The following CCDC150 variants were observed in gnomAD, a reference collection of about 807,000 sequenced individuals.
The protein encoded by CCDC150 is coiled-coil domain containing 150.
Under a neutral mutation model 156.5 loss-of-function variants are expected in CCDC150, and 151 were observed. The observed-to-expected ratio is 0.97, with a 90% CI of 0.85 to 1.10. CCDC150 has a LOEUF of 1.10. Ranked by LOEUF, CCDC150 falls within the 50% of genes least tolerant of loss-of-function variation. CCDC150 has a pLI of 0.00. For missense variants in CCDC150, 1,312 were observed against 1,268.1 expected, an observed-to-expected ratio of 1.03 and a Z score of -0.53; for synonymous variants, 452 against 429.4, an observed-to-expected ratio of 1.05 and a Z score of -0.65.
rs775992805 is a variant in CCDC150 at position 196,676,648 on chromosome 2, A to G, written c.1357A>G (p.Ile453Val). 6.2e-7 allele frequency: 1 copy of G among 1,613,770 alleles called. No homozygotes were observed. The highest frequency in any genetic ancestry group is 1.1e-5 in the South Asian group (1 of 91,082). ...GCAAAAAGAGCTGCTAGAATCAACT[A>G]TTGCAAGATTGCGAGGTGAATTGGA... ...AVQKELLEST[I>V]ARLRGELEAS... is the part of the protein sequence containing the mutation. The change falls in exon 12 of 28, where the codon ATT (isoleucine) becomes GTT (valine). Residue 453 changes from isoleucine (I) to valine (V), a missense_variant. By Grantham distance (29) the Ile-to-Val change is conservative. Transcript: ENST00000389175.
chr2:196,720,592 G>T lies in CCDC150; in HGVS notation c.2183G>T (p.Arg728Met). Residue 728 changes from arginine (R) to methionine (M), a missense_variant, in exon 20 of 28, where the codon AGG (arginine) becomes ATG (methionine). Arg to Met is a moderately conservative substitution (Grantham distance 91, BLOSUM62 -1). Transcript: ENST00000389175. ...ATTTTTAGGGATCTCAATCAACAGA[G>T]GGTGCAGAAGCTGGAAGCTGAAGTG... ...LKKERDLNQQ[R>M]VQKLEAEVDQ... The T allele has an allele frequency of 6.2e-7, 1 of 1,613,766 alleles. No individual in the cohort carries two copies.
chr2:196,662,755 C>T (rs1693627643), intron 5 of CCDC150, among the ~76,000 whole-genome samples: 1 of 151,938 alleles, frequency 6.6e-6, no homozygotes, highest in South Asian at 2.1e-4. Context: ...ATGGCAAAAC[C>T]CCATTTCTGG....
At chr2:196,720,076 T>C in intron 19 of CCDC150, 1 of 389,668 alleles carries the variant, frequency 2.6e-6, no homozygotes, top group Non-Finnish European at 5.2e-6. Context: ...GATTAATAAT[T>C]ATTTTAGGTG....
Position 196,729,366 on chromosome 2 carries a change from T to C in CCDC150, c.2730T>C (p.Ala910=). 2 of 1,613,854 alleles carry C rather than the reference T, an allele frequency of 1.2e-6. No homozygotes were observed. The highest frequency in any genetic ancestry group is 1.7e-6 in the Non-Finnish European group (2 of 1,179,828). The stretch of plus-strand genomic sequence containing the variant: ...ACTTGTCAGCTAAGGCGAATAATGC[T>C]CAGAATATAGAAAGGATGAAGGTTG... ...KLHLSAKANN[A]QNIERMKQIE... is the part of the protein sequence containing the mutation. The change falls in exon 23 of 28, where the codon GCT becomes GCC. Residue 910 remains alanine (A), a synonymous_variant. Coordinates refer to ENST00000389175, the MANE Select transcript of CCDC150 (RefSeq NM_001080539.2).
Position 196,701,116 on chromosome 2 carries a change from A to G in CCDC150, c.1631A>G (p.Gln544Arg), listed in dbSNP as rs1696175733. The G allele has an allele frequency of 6.2e-6, 10 of 1,608,376 alleles. 1 individual carries two copies. The East Asian group carries it at 2.2e-4, about 36-fold the overall frequency. ...CTTTGTTTGCCTTATCAGCTTGCCCAACAGAAGGTGGAAAAAATCACTGAA... is the reference window on the plus strand; with the variant it reads ...CTTTGTTTGCCTTATCAGCTTGCCCGACAGAAGGTGGAAAAAATCACTGAA... ...QVTSDYHGLA[Q>R]QKVEKITESK... is the part of the protein sequence containing the mutation. The change falls in exon 15 of 28, where the codon CAA (glutamine) becomes CGA (arginine). Residue 544 changes from glutamine to arginine, a missense_variant. By Grantham distance (43) the Gln-to-Arg change is conservative (BLOSUM62 1). Transcript: ENST00000389175.
intron 1 of CCDC150, among the ~76,000 whole-genome samples, chr2:196,644,775 A>G (rs778075811): frequency 6.6e-6 from 1 of 152,168 alleles, no homozygotes; most frequent in Non-Finnish European, 1.5e-5. Flanking sequence ...GTTTCACAGT[A>G]GGGCATGAAA....
intron 13 of CCDC150, among the ~76,000 whole-genome samples, chr2:196,678,543 A>G (rs547053642): frequency 2.6e-5 from 4 of 152,308 alleles, no homozygotes; most frequent in African/African-American, 9.6e-5. Flanking sequence ...GACCTCAACC[A>G]TGCTTTCTAA....
At chr2:196,673,393 C>T (rs1694318540) in intron 9 of CCDC150, among the ~76,000 whole-genome samples, 1 of 152,184 alleles carries the variant, frequency 6.6e-6, no homozygotes, top group Non-Finnish European at 1.5e-5. Context: ...CAAGGGTTCT[C>T]TGTTTCGTCC....
intron 22 of CCDC150, chr2:196,726,536 T>C (rs1206248090): frequency 6.4e-6 from 1 of 156,656 alleles, no homozygotes; most frequent in African/African-American, 2.4e-5. Flanking sequence ...ATGAGATATA[T>C]AGGGAAAACA....
intron 18 of CCDC150, 34 bp downstream of exon 18, chr2:196,718,665 T>G (rs781005030): frequency 6.2e-7 from 1 of 1,605,968 alleles, no homozygotes; most frequent in East Asian, 2.2e-5. Context: ...CGTCTGTCAC[T>G]GAGAAGAAGC....
chr2:196,661,860 G>A (rs186923671), intron 5 of CCDC150, among the ~76,000 whole-genome samples: 2 of 152,218 alleles, frequency 1.3e-5, no homozygotes, highest in Admixed American at 6.5e-5. Flanking sequence ...TTTTAAAAGT[G>A]GCCGTTCTTT....
intron 4 of CCDC150, among the ~76,000 whole-genome samples, chr2:196,658,153 G>A (rs983795334): frequency 6.6e-6 from 1 of 152,034 alleles, no homozygotes. Flanking sequence ...AGAAATTGGA[G>A]GCAGGGAAAC....
intron 13 of CCDC150, among the ~76,000 whole-genome samples, chr2:196,680,765 T>G (rs550502617): frequency 6.6e-5 from 10 of 152,350 alleles, no homozygotes; most frequent in African/African-American, 2.4e-4. Context: ...GTCATGTGAT[T>G]ACTCCATGTT....
intron 13 of CCDC150, among the ~76,000 whole-genome samples, chr2:196,687,429 A>T (rs920205095): frequency 6.6e-6 from 1 of 152,160 alleles, no homozygotes; most frequent in African/African-American, 2.4e-5. Flanking sequence ...TTTAAGAAGT[A>T]TCTGTTTATG....
At chr2:196,718,717 C>A in intron 18 of CCDC150, 86 bp downstream of exon 18, 1 of 1,497,304 alleles carries the variant, frequency 6.7e-7, no homozygotes, top group Non-Finnish European at 8.9e-7. Context: ...CGCTTTCTTG[C>A]TTCCATTAGA....
chr2:196,698,955 AT>A (rs1395298373), intron 14 of CCDC150, among the ~76,000 whole-genome samples: 10 of 152,226 alleles, frequency 6.6e-5, no homozygotes, highest in African/African-American at 2.4e-4. Context: ...CATCCTTACA[AT>A]TTATTTGCTG....
At chr2:196,687,692 G>A (rs1695200831) in intron 13 of CCDC150, among the ~76,000 whole-genome samples, 1 of 152,124 alleles carries the variant, frequency 6.6e-6, no homozygotes, top group Non-Finnish European at 1.5e-5. Flanking sequence ...GTTCTGAATA[G>A]TATTACCTAG....
At chr2:196,720,015 G>A (rs528706066) in intron 19 of CCDC150, among the ~76,000 whole-genome samples, 8 of 152,042 alleles carry the variant, frequency 5.3e-5, no homozygotes, top group Non-Finnish European at 8.8e-5. Context: ...TTGAAACTAA[G>A]TACATACTTT....
chr2:196,677,381 C>G lies in CCDC150; in HGVS notation c.1509+20C>G, dbSNP rs1460018994. On this transcript the variant is annotated intron_variant, in intron 13 of 27. Coordinates refer to ENST00000389175, the MANE Select transcript of CCDC150 (RefSeq NM_001080539.2). ...AACAAGGTATTCTTCATTTTACTTA[C>G]TGATATTTCACTATATTTCCTTCTG... 1 of 1,439,278 alleles carries G rather than the reference C, an allele frequency of 6.9e-7. No individual in the cohort carries two copies. Among genetic ancestry groups the G allele is most frequent in the Non-Finnish European group, 9.6e-7 (1 of 1,043,492 alleles). The allele number at this position is 1,439,278 out of a possible 1,614,324, so 89.2% of individuals were successfully genotyped here. A position where few individuals can be genotyped will look rare whatever the true frequency, so the allele number is the denominator to read the frequency against.
Sources: allele counts gnomAD v4.1 joint callset (sites outside exome capture counted in the v4.1 genomes callset), GRCh38; gene constraint gnomAD v4.1.1; transcripts MANE v1.5; gene names NCBI Gene and HGNC (gene_info 2026-07-23, HGNC 2026-07-21).